The following NID2 variants were observed in gnomAD, a reference collection of about 807,000 sequenced individuals.
NID2 encodes nidogen 2.
A neutral mutation model predicts 145.4 loss-of-function variants in NID2; 83 were observed. The observed-to-expected ratio is 0.57, with a 90% CI of 0.48 to 0.69. The LOEUF (loss-of-function observed/expected upper bound fraction) is 0.69. Among genes scored for constraint, NID2 ranks in the 30% least tolerant of loss-of-function variants. The pLI, the probability that NID2 is intolerant of heterozygous loss-of-function variation, is 0.00. For missense variants in NID2, 1,807 were observed against 1,765.7 expected, an observed-to-expected ratio of 1.02 and a Z score of -0.42; for synonymous variants, 739 against 701.3, an observed-to-expected ratio of 1.05 and a Z score of -0.85.
intron 18 of NID2, 25 bp from the exon 19 acceptor site, chr14:52,007,992 A>G (rs1452388446): frequency 7.6e-6 from 12 of 1,587,356 alleles, no homozygotes; most frequent in Non-Finnish European, 4.3e-6. Context: ...TCAAGATTGT[A>G]AAAGAATAGC....
rs1890704358 is a variant in NID2, at chr14:52,005,055, T to A, written c.*431A>T. 1 of 160,638 alleles carries A rather than the reference T, an allele frequency of 6.2e-6. No homozygotes were observed. The highest frequency in any genetic ancestry group is 2.4e-5 in the African/African-American group (1 of 41,706). 10.0% of individuals were successfully genotyped at this position (160,638 alleles called of 1,614,324 possible). A position where few individuals can be genotyped will look rare whatever the true frequency, so the allele number is the denominator to read the frequency against. On this transcript the variant is annotated 3_prime_UTR_variant, in exon 22 of 22. Transcript: ENST00000216286. ...TTGGTCCTTTCCCATCAGTTCTGCA[T>A]TGGCTTCTCCAACTGTCAAGGTTTA...
In NID2 at chr14:52,054,412, G is replaced by A. The variant is rs1005384687; in HGVS notation, c.768-91C>T. 2.6e-5 allele frequency: 34 copies of A among 1,306,348 alleles called. No homozygotes were observed. In the African/African-American group the frequency reaches 4.1e-4, roughly 16 times the overall value. 80.9% of individuals were successfully genotyped at this position (1,306,348 alleles called of 1,614,324 possible). On this transcript the variant is annotated intron_variant, in intron 3 of 21. Coordinates refer to ENST00000216286, the MANE Select transcript of NID2 (RefSeq NM_007361.4). ...GAAGGTGAACAACTTATTTTAAAAC[G>A]GAAAGACAGCTGGGCATGGTGGCTC...
At chr14:52,047,733 G>A (rs1018290794) in intron 5 of NID2, among the ~76,000 whole-genome samples, 2 of 152,110 alleles carry the variant, frequency 1.3e-5, no homozygotes, top group African/African-American at 2.4e-5. Flanking sequence ...CAGTTACTGA[G>A]ATAGGGAGAC....
At chr14:52,037,026 G>C (rs1241000054) in intron 9 of NID2, among the ~76,000 whole-genome samples, 1 of 152,108 alleles carries the variant, frequency 6.6e-6, no homozygotes, top group Non-Finnish European at 1.5e-5. Context: ...TGTGCTTTTA[G>C]TGTCGTACCT....
At chr14:52,041,343 C>T (rs1241354475) in intron 7 of NID2, among the ~76,000 whole-genome samples, 4 of 152,136 alleles carry the variant, frequency 2.6e-5, no homozygotes, top group Non-Finnish European at 4.4e-5. Flanking sequence ...ACTTTTGACC[C>T]AAGGGCTTTA....
At position 52,069,055 on chromosome 14, in the gene NID2, T is replaced by C; in HGVS notation, c.-61A>G. 1 of 1,369,098 alleles carries C rather than the reference T, an allele frequency of 7.3e-7. No homozygotes were observed. The highest frequency in any genetic ancestry group is 1.4e-5 in the African/African-American group (1 of 70,268). The allele number at this position is 1,369,098 out of a possible 1,614,324, so 84.8% of individuals were successfully genotyped here. Reference sequence around the variant, plus strand: ...CGTCCCGCCCCGGCCTCCAGCCCACTCTCCGCGCCGCGCCAGCCTCGAACC... The same window carrying C: ...CGTCCCGCCCCGGCCTCCAGCCCACCCTCCGCGCCGCGCCAGCCTCGAACC... On this transcript the variant is annotated 5_prime_UTR_variant, in exon 1 of 22. Transcript: ENST00000216286.
rs982358205 is a variant in NID2, at chr14:52,053,743, G to A, written c.1265C>T (p.Pro422Leu). The part of the protein sequence containing the change: ...PPYPENGSIQ[P>L]YPDGGPVPSE... ...AGGCACTGGCCCTCCATCTGGGTAG[G>A]GCTGGATGCTTCCGTTTTCGGGGTA... Residue 422 changes from proline (P) to leucine (L), a missense_variant, in exon 5 of 22, where the codon CCC (proline) becomes CTC (leucine). Physicochemically the swap from Pro to Leu is moderately conservative, Grantham distance 98. Transcript: ENST00000216286. The A allele has an allele frequency of 6.2e-7, 1 of 1,614,232 alleles. No individual in the cohort carries two copies. Among genetic ancestry groups the A allele is most frequent in the Non-Finnish European group, 8.5e-7 (1 of 1,180,038 alleles).
chr14:52,067,352 G>A (rs1893254540), intron 2 of NID2, among the ~76,000 whole-genome samples: 2 of 152,180 alleles, frequency 1.3e-5, no homozygotes, highest in Admixed American at 6.5e-5. Flanking sequence ...AAAACAGTAT[G>A]TGCAGTGTAA....
Position 52,040,835 on chromosome 14 carries a change from A to T in NID2, c.1842T>A (p.His614Gln). 6.2e-7 allele frequency: 1 copy of T among 1,614,188 alleles called. No homozygotes were observed. Among genetic ancestry groups the T allele is most frequent in the Non-Finnish European group, 8.5e-7 (1 of 1,180,028 alleles). The change falls in exon 8 of 22, where the codon CAT (histidine) becomes CAA (glutamine). Residue 614 changes from histidine (H) to glutamine (Q), a missense_variant. By Grantham distance (24) the His-to-Gln change is conservative. Transcript: ENST00000216286. ...CCGGGTAGAATGTAACTTCCATGTCATGGGTAAAGGCAGCACCTGGAGATG... is the reference window on the plus strand; with the variant it reads ...CCGGGTAGAATGTAACTTCCATGTCTTGGGTAAAGGCAGCACCTGGAGATG... ...GFSLAGAAFT[H>Q]DMEVTFYPGE...
Position 52,068,981 on chromosome 14 carries a change from C to G in NID2, c.14G>C (p.Arg5Pro). The G allele has an allele frequency of 6.2e-7, 1 of 1,611,252 alleles. No homozygotes were observed. Among genetic ancestry groups the G allele is most frequent in the South Asian group, 1.1e-5 (1 of 90,968 alleles). ...CGACAGCACCGGCCGCCCGGCCACC[C>G]GGTCCCCCTCCATGCTCGCTCGGCC... MEGD[R>P]VAGRPVLSSL... The change falls in exon 1 of 22, where the codon CGG becomes CCG. Residue 5 changes from arginine to proline, a missense_variant. Physicochemically the swap from Arg to Pro is moderately radical, Grantham distance 103. Coordinates refer to ENST00000216286, the MANE Select transcript of NID2 (RefSeq NM_007361.4).
intron 16 of NID2, among the ~76,000 whole-genome samples, chr14:52,012,599 CAAAAG>C (rs1276244396): frequency 6.6e-6 from 1 of 152,020 alleles, no homozygotes; most frequent in Non-Finnish European, 1.5e-5. Flanking sequence ...CACCCTGTCT[CAAAAG>C]AAGGAAAAAA....
At chr14:52,035,881 T>TATATA (rs1294844874) in intron 9 of NID2, among the ~76,000 whole-genome samples, 3 of 49,540 alleles carry the variant, frequency 6.1e-5, no homozygotes, top group Admixed American at 1.4e-4. Flanking sequence ...TATATATATG[T>TATATA]TTTATTTTGT....
In NID2 at chr14:52,005,164, A is replaced by AACTCTAATT. The variant is rs1249000152; in HGVS notation, c.*313_*321dup. ...GGCAAAAATCAGGTTTAGAGTCTTA[A>AACTCTAATT]ACTCTAATTCTTAGTTGAATGAATT... On this transcript the variant is annotated 3_prime_UTR_variant, in exon 22 of 22. Coordinates refer to ENST00000216286, the MANE Select transcript of NID2 (RefSeq NM_007361.4). The AACTCTAATT allele has an allele frequency of 2.6e-5, 6 of 230,344 alleles. No homozygotes were observed. The highest frequency in any genetic ancestry group is 5.0e-5 in the Non-Finnish European group (6 of 119,362). The allele number at this position is 230,344 out of a possible 1,614,324, so 14.3% of individuals were successfully genotyped here.
At chr14:52,054,939 G>T (rs1419459377) in intron 3 of NID2, among the ~76,000 whole-genome samples, 3 of 152,084 alleles carry the variant, frequency 2.0e-5, no homozygotes, top group African/African-American at 7.2e-5. Context: ...CTGGCTATTT[G>T]AAAATAAACA....
chr14:52,010,529 CT>C (rs1451146657), intron 18 of NID2: 2 of 179,744 alleles, frequency 1.1e-5, no homozygotes, highest in Admixed American at 1.1e-4. Flanking sequence ...AGGAATCCCA[CT>C]TCACTTCCAG....
intron 3 of NID2, among the ~76,000 whole-genome samples, chr14:52,057,136 G>T (rs1040514683): frequency 2.6e-5 from 4 of 152,156 alleles, no homozygotes; most frequent in African/African-American, 9.6e-5. Context: ...CAACCCCCTG[G>T]GCTCAAGTGA....
At chr14:52,010,227 T>C (rs1035509435) in intron 18 of NID2, 1 of 152,242 alleles carries the variant, frequency 6.6e-6, no homozygotes, top group Non-Finnish European at 1.5e-5. Flanking sequence ...AGGTTTTCTT[T>C]ACTGATTTGA....
intron 5 of NID2, among the ~76,000 whole-genome samples, chr14:52,047,753 G>A (rs1892554075): frequency 6.6e-6 from 1 of 152,122 alleles, no homozygotes; most frequent in South Asian, 2.1e-4. Context: ...CTGAGGAGGA[G>A]CAGGTTTGTG....
At chr14:52,019,521 A>C (rs1022454314) in intron 13 of NID2, among the ~76,000 whole-genome samples, 1 of 152,076 alleles carries the variant, frequency 6.6e-6, no homozygotes, top group Non-Finnish European at 1.5e-5. Flanking sequence ...GCCCCTCCCT[A>C]TTGTCATCTG....
Sources: allele counts gnomAD v4.1 joint callset (sites outside exome capture counted in the v4.1 genomes callset), GRCh38; gene constraint gnomAD v4.1.1; transcripts MANE v1.5; gene names NCBI Gene and HGNC (gene_info 2026-07-23, HGNC 2026-07-21).